ARL15: variants seen among roughly 807,000 people sequenced by gnomAD.
ARL15 encodes the protein ARF like GTPase 15.
A neutral mutation model predicts 25.2 loss-of-function variants in ARL15; 19 were observed. The observed-to-expected ratio is 0.75, with a 90% CI of 0.53 to 1.10. The LOEUF (loss-of-function observed/expected upper bound fraction) is 1.10, where lower values mean the gene tolerates loss of function less well. Ranked by LOEUF, ARL15 falls within the 50% of genes least tolerant of loss-of-function variation. The pLI, the probability that ARL15 is intolerant of heterozygous loss-of-function variation, is 0.00. For missense variants in ARL15, 220 were observed against 246.0 expected (o/e 0.89, Z 0.71); for synonymous variants, 94 against 86.8 (o/e 1.08, Z -0.46).
chr5:53,984,767 A>G (rs990421180), intron 4 of ARL15, among the ~76,000 whole-genome samples: 2 of 152,084 alleles, frequency 1.3e-5, no homozygotes, highest in African/African-American at 4.8e-5. Context: ...TTCTGCCTTC[A>G]ATTTACTGAG....
At chr5:54,108,295 G>A (rs1034542635) in intron 4 of ARL15, among the ~76,000 whole-genome samples, 5 of 151,968 alleles carry the variant, frequency 3.3e-5, no homozygotes, top group East Asian at 1.9e-4. Context: ...AGGAATGAAC[G>A]AAAAACAGTT....
At chr5:54,193,937 A>C (rs1579896514) in intron 1 of ARL15, among the ~76,000 whole-genome samples, 1 of 152,172 alleles carries the variant, frequency 6.6e-6, no homozygotes, top group Middle Eastern at 3.4e-3. Flanking sequence ...GGCTAGGATG[A>C]TATTAAATAA....
intron 3 of ARL15, among the ~76,000 whole-genome samples, chr5:54,137,875 A>G (rs1753652960): frequency 7.1e-6 from 1 of 141,834 alleles, no homozygotes; most frequent in Non-Finnish European, 1.6e-5. Context: ...TTAAGAGAGA[A>G]AGCTTTTTTT....
intron 1 of ARL15, among the ~76,000 whole-genome samples, chr5:54,207,553 C>G (rs1254939838): frequency 6.6e-6 from 1 of 152,176 alleles, no homozygotes; most frequent in Non-Finnish European, 1.5e-5. Flanking sequence ...TCTCCTAAAA[C>G]TGCACTAAAA....
chr5:54,018,430 G>C (rs767729019), intron 4 of ARL15, among the ~76,000 whole-genome samples: 2 of 152,132 alleles, frequency 1.3e-5, no homozygotes, highest in Admixed American at 6.5e-5. Flanking sequence ...AAAAAAGATT[G>C]TTCTTCAGTC....
At chr5:54,022,661 A>C (rs567677889) in intron 4 of ARL15, among the ~76,000 whole-genome samples, 6 of 152,066 alleles carry the variant, frequency 3.9e-5, no homozygotes, top group African/African-American at 7.2e-5. Flanking sequence ...CCAGCCCCTT[A>C]TTTCTTTCTG....
At chr5:54,222,866 C>A (rs942448924) in intron 1 of ARL15, among the ~76,000 whole-genome samples, 1 of 152,052 alleles carries the variant, frequency 6.6e-6, no homozygotes, top group African/African-American at 2.4e-5. Flanking sequence ...CTCTGTCGCC[C>A]AAGAGTGCAG....
chr5:54,041,173 T>C (rs992850004), intron 4 of ARL15, among the ~76,000 whole-genome samples: 1 of 152,238 alleles, frequency 6.6e-6, no homozygotes, highest in African/African-American at 2.4e-5. Flanking sequence ...TCAAATTGTG[T>C]ATTATCTGGC....
intron 4 of ARL15, among the ~76,000 whole-genome samples, chr5:53,956,374 G>A (rs1473797088): frequency 6.6e-6 from 1 of 150,858 alleles, no homozygotes; most frequent in East Asian, 2.0e-4. Flanking sequence ...AAGTCAAAAT[G>A]TCCAATTTTA....
At chr5:54,130,724 T>C (rs1198843467) in intron 3 of ARL15, among the ~76,000 whole-genome samples, 1 of 152,076 alleles carries the variant, frequency 6.6e-6, no homozygotes, top group Non-Finnish European at 1.5e-5. Context: ...CTGGGAAATA[T>C]AGAATTGATT....
intron 1 of ARL15, among the ~76,000 whole-genome samples, chr5:54,207,055 C>G (rs1755892011): frequency 1.3e-5 from 2 of 152,242 alleles, no homozygotes; most frequent in South Asian, 4.1e-4. Flanking sequence ...TCTGAATCTC[C>G]TTTCTCAAAG....
intron 1 of ARL15, among the ~76,000 whole-genome samples, chr5:54,246,684 G>T (rs1015185375): frequency 1.3e-5 from 2 of 151,772 alleles, no homozygotes; most frequent in Non-Finnish European, 2.9e-5. Flanking sequence ...CTATTCCTGC[G>T]ACCATCACCA....
intron 4 of ARL15, among the ~76,000 whole-genome samples, chr5:53,907,484 ATATATTTTT>A (rs1403868063): frequency 1.9e-4 from 5 of 26,380 alleles, no homozygotes; most frequent in Admixed American, 5.9e-4. Flanking sequence ...ATATATATAT[ATATATTTTT>A]TTTTTTTTTT....
At chr5:53,937,426 T>G (rs535131468) in intron 4 of ARL15, among the ~76,000 whole-genome samples, 1 of 152,290 alleles carries the variant, frequency 6.6e-6, no homozygotes, top group East Asian at 1.9e-4. Context: ...CATTTAATAT[T>G]TGAGAAAAAA....
At chr5:54,235,775 G>T (rs1373656529) in intron 1 of ARL15, among the ~76,000 whole-genome samples, 2 of 152,078 alleles carry the variant, frequency 1.3e-5, no homozygotes, top group Non-Finnish European at 2.9e-5. Flanking sequence ...CCGGGCTATA[G>T]TAAAGTATTA....
chr5:54,112,914 T>C (rs1242629027), intron 4 of ARL15, among the ~76,000 whole-genome samples: 1 of 152,118 alleles, frequency 6.6e-6, no homozygotes, highest in African/African-American at 2.4e-5. Context: ...AAAACAACAT[T>C]AAATAACCAG....
chr5:54,127,943 T>C (rs145452346), intron 3 of ARL15, among the ~76,000 whole-genome samples: 5,636 of 152,132 alleles, frequency 0.037, 177 homozygotes, highest in East Asian at 0.14. Context: ...TAATAAATGG[T>C]GCTGGGAAAA....
At chr5:54,119,821 A>G (rs563541613) in intron 3 of ARL15, among the ~76,000 whole-genome samples, 1 of 152,260 alleles carries the variant, frequency 6.6e-6, no homozygotes, top group Admixed American at 6.5e-5. Flanking sequence ...AAACCACTAC[A>G]TGCGCTTCAG....
At position 53,884,456 on chromosome 5, in the gene ARL15, G is replaced by A. The variant is rs888615627; in HGVS notation, c.*2105C>T. 12 of 150,504 alleles carry A rather than the reference G, an allele frequency of 8.0e-5. No individual in the cohort carries two copies. Among genetic ancestry groups the A allele is most frequent in the South Asian group, 2.1e-4 (1 of 4,740 alleles). 9.3% of individuals were successfully genotyped at this position (150,504 alleles called of 1,614,324 possible). On this transcript the variant is annotated 3_prime_UTR_variant, in exon 5 of 5. Coordinates refer to ENST00000504924, the MANE Select transcript of ARL15 (RefSeq NM_019087.3). Reference sequence around the variant, plus strand: ...AACATGGCAAATTCTAGGGTTACAAGGACAGGATGCCGCGCGGAAGCAGCA... The same window carrying A: ...AACATGGCAAATTCTAGGGTTACAAAGACAGGATGCCGCGCGGAAGCAGCA...
Sources: allele counts gnomAD v4.1 joint callset (sites outside exome capture counted in the v4.1 genomes callset), GRCh38; gene constraint gnomAD v4.1.1; transcripts MANE v1.5; gene names NCBI Gene and HGNC (gene_info 2026-07-23, HGNC 2026-07-21).